Variants in SRSF7 observed in about 807,000 individuals in gnomAD.
SRSF7 encodes the protein serine and arginine rich splicing factor 7.
A neutral mutation model predicts 42.2 loss-of-function variants in SRSF7; 15 were observed. The observed-to-expected ratio is 0.36, with a 90% CI of 0.24 to 0.55. The LOEUF is 0.55. Among genes scored for constraint, SRSF7 ranks in the 20% least tolerant of loss-of-function variants. The pLI is 0.88. For synonymous variants in SRSF7, 138 were observed against 107.9 expected, an observed-to-expected ratio of 1.28 and a Z score of -1.73; for missense variants, 181 against 305.9, an observed-to-expected ratio of 0.59 and a Z score of 3.04.
intron 5 of SRSF7, among the ~76,000 whole-genome samples, chr2:38,747,385 T>TA (rs1456755765): frequency 2.0e-5 from 3 of 152,250 alleles, no homozygotes; most frequent in African/African-American, 7.2e-5. Context: ...TTTGTGCTAT[T>TA]AAACAGCAAT....
In SRSF7 at chr2:38,751,206, C is replaced by G. The variant is rs1668303310; in HGVS notation, c.28+23G>C. Reference sequence around the variant, plus strand: ...GCTCACTACACCCACACCAACGTCCCTCACCGGACTCCAGCTTCTTACCTC... The same window carrying G: ...GCTCACTACACCCACACCAACGTCCGTCACCGGACTCCAGCTTCTTACCTC... On this transcript the variant is annotated intron_variant, in intron 1 of 7. Coordinates refer to ENST00000313117, the MANE Select transcript of SRSF7 (RefSeq NM_001031684.3). 3 of 1,614,044 alleles carry G rather than the reference C, an allele frequency of 1.9e-6. No homozygotes were observed. In the East Asian group the frequency reaches 6.7e-5, roughly 36 times the overall value.
At chr2:38,749,860 C>T (rs551330074) in intron 2 of SRSF7, among the ~76,000 whole-genome samples, 154 bp downstream of exon 2, 1 of 152,334 alleles carries the variant, frequency 6.6e-6, no homozygotes, top group East Asian at 1.9e-4. Context: ...TCCATCTCCG[C>T]TATCTTCTTT....
chr2:38,750,982 C>T, intron 1 of SRSF7: 1 of 469,556 alleles, frequency 2.1e-6, no homozygotes, highest in South Asian at 2.6e-5. Context: ...ACCGTCATCT[C>T]AACCCTGCTT....
intron 5 of SRSF7, chr2:38,747,147 A>T (rs1285342451): frequency 2.1e-6 from 1 of 472,318 alleles, no homozygotes; most frequent in Non-Finnish European, 4.4e-6. Context: ...CAGGATGAAA[A>T]TAACCAGACC....
chr2:38,749,713 A>G lies in SRSF7; in HGVS notation c.210-8T>C. 1 of 1,532,318 alleles carries G rather than the reference A, an allele frequency of 6.5e-7. No homozygotes were observed. The highest frequency in any genetic ancestry group is 8.7e-7 in the Non-Finnish European group (1 of 1,144,704). 94.9% of individuals were successfully genotyped at this position (1,532,318 alleles called of 1,614,324 possible). A position where few individuals can be genotyped will look rare whatever the true frequency, so the allele number is the denominator to read the frequency against. ...CGGGAGCCACAAATCACCCTAATAAAAGCAAATTAACAAAATTCTAAAGTT... is the reference window on the plus strand; with the variant it reads ...CGGGAGCCACAAATCACCCTAATAAGAGCAAATTAACAAAATTCTAAAGTT... On this transcript the variant is annotated splice_polypyrimidine_tract_variant and splice_region_variant and intron_variant, in intron 2 of 7. Coordinates refer to ENST00000313117, the MANE Select transcript of SRSF7 (RefSeq NM_001031684.3).
intron 3 of SRSF7, 105 bp downstream of exon 3, chr2:38,749,424 A>G: frequency 1.3e-6 from 2 of 1,564,156 alleles, no homozygotes; most frequent in Non-Finnish European, 1.7e-6. Context: ...ATACACCTGT[A>G]CAATTAACAT....
intron 5 of SRSF7, 72 bp from the exon 6 acceptor site, chr2:38,746,819 T>G (rs1667487740): frequency 6.3e-7 from 1 of 1,592,120 alleles, no homozygotes; most frequent in South Asian, 1.1e-5. Context: ...CTCAACACTG[T>G]ATTAGGTTGG....
intron 3 of SRSF7, 71 bp from the exon 4 acceptor site, chr2:38,748,724 C>T: frequency 6.8e-7 from 1 of 1,473,648 alleles, no homozygotes; most frequent in South Asian, 1.1e-5. Flanking sequence ...TGTGCCTCTG[C>T]TGAAATCAAA....
intron 5 of SRSF7, among the ~76,000 whole-genome samples, chr2:38,747,632 C>G (rs1004775571): frequency 5.9e-5 from 9 of 152,066 alleles, no homozygotes; most frequent in Admixed American, 2.6e-4. Context: ...TCCAGTGTCT[C>G]AAATCAACCC....
chr2:38,748,627 G>A lies in SRSF7; in HGVS notation c.413C>T (p.Ser138Phe). The A allele has an allele frequency of 6.2e-7, 1 of 1,614,170 alleles. No homozygotes were observed. The highest frequency in any genetic ancestry group is 8.5e-7 in the Non-Finnish European group (1 of 1,180,036). The change falls in exon 4 of 8, where the codon TCC becomes TTC. Residue 138 changes from serine (S) to phenylalanine (F), a missense_variant. Ser to Phe is a radical substitution (Grantham distance 155). Coordinates refer to ENST00000313117, the MANE Select transcript of SRSF7 (RefSeq NM_001031684.3). ...TGAGCGAGAGTATCGCCTTCCTCTG[G>A]ATCGAGAATGTGATCTAGACCGTGA... is the stretch of plus-strand genomic sequence containing the variant. ...SRSRSRSHSR[S>F]RGRRYSRSRS... is the part of the protein sequence containing the mutation.
intron 5 of SRSF7, 71 bp from the exon 6 acceptor site, chr2:38,746,818 G>T: frequency 6.3e-6 from 10 of 1,591,792 alleles, no homozygotes; most frequent in Non-Finnish European, 7.7e-6. Flanking sequence ...ACTCAACACT[G>T]TATTAGGTTG....
chr2:38,751,018 C>G (rs1256931445), intron 1 of SRSF7: 5 of 591,450 alleles, frequency 8.5e-6, no homozygotes, highest in Non-Finnish European at 1.2e-5. Context: ...CACAAAAATG[C>G]CCAAGAGTAC....
In SRSF7 at chr2:38,743,652, T is replaced by C; in HGVS notation, c.*1481A>G. The C allele has an allele frequency of 6.5e-6, 1 of 152,778 alleles. No homozygotes were observed. Among genetic ancestry groups the C allele is most frequent in the South Asian group, 2.1e-4 (1 of 4,832 alleles). 9.5% of individuals were successfully genotyped at this position (152,778 alleles called of 1,614,324 possible). A position where few individuals can be genotyped will look rare whatever the true frequency, so the allele number is the denominator to read the frequency against. On this transcript the variant is annotated 3_prime_UTR_variant, in exon 8 of 8. Transcript: ENST00000313117. ...GTTGAGTAAACTTATCTTTAAATAA[T>C]ACAGAACAATTAAAGCTAACCAAGT...
rs578040379 is a variant in SRSF7 at position 38,749,934 on chromosome 2, A to C, written c.209+80T>G. 10,457 of 1,470,448 alleles carry C rather than the reference A, an allele frequency of 7.1e-3. 36 individuals are homozygous for C. Among genetic ancestry groups the C allele is most frequent in the Middle Eastern group, 9.3e-3 (48 of 5,156 alleles). The allele number at this position is 1,470,448 out of a possible 1,614,324, so 91.1% of individuals were successfully genotyped here. ...CTATTTAAGGTCTCTTCCAGACTTC[A>C]GAATCCAAATTTAGCACTAAGTTCA... On this transcript the variant is annotated intron_variant, in intron 2 of 7. Coordinates refer to ENST00000313117, the MANE Select transcript of SRSF7 (RefSeq NM_001031684.3).
At position 38,744,138 on chromosome 2, in the gene SRSF7, T is replaced by C; in HGVS notation, c.*995A>G. ...CTTTAGTCTCATTGACATTTCTGAT[T>C]GACATCTTTAATTACTTTGCACCAG... On this transcript the variant is annotated 3_prime_UTR_variant, in exon 8 of 8. Transcript: ENST00000313117. The C allele has an allele frequency of 6.6e-6, 1 of 152,640 alleles. No homozygotes were observed. Among genetic ancestry groups the C allele is most frequent in the Non-Finnish European group, 1.5e-5 (1 of 68,040 alleles). 9.5% of individuals were successfully genotyped at this position (152,640 alleles called of 1,614,324 possible). A position where few individuals can be genotyped will look rare whatever the true frequency, so the allele number is the denominator to read the frequency against.
chr2:38,748,948 G>C, intron 3 of SRSF7: 1 of 1,319,986 alleles, frequency 7.6e-7, no homozygotes, highest in Non-Finnish European at 9.8e-7. Context: ...AGTAGATCTA[G>C]ACGATCTAGA....
In SRSF7 at chr2:38,744,116, T is replaced by G; in HGVS notation, c.*1017A>C. ...ATAGCTGAGATTTACAAAACCACTT[T>G]AGTCTCATTGACATTTCTGATTGAC... On this transcript the variant is annotated 3_prime_UTR_variant, in exon 8 of 8. Transcript: ENST00000313117. 6.6e-6 allele frequency: 1 copy of G among 152,608 alleles called. No homozygotes were observed. Among genetic ancestry groups the G allele is most frequent in the Non-Finnish European group, 1.5e-5 (1 of 68,040 alleles). 9.5% of individuals were successfully genotyped at this position (152,608 alleles called of 1,614,324 possible).
chr2:38,748,093 G>A lies in SRSF7; in HGVS notation c.526C>T (p.Leu176Phe). 2 of 1,614,038 alleles carry A rather than the reference G, an allele frequency of 1.2e-6. No individual in the cohort carries two copies. Among genetic ancestry groups the A allele is most frequent in the Non-Finnish European group, 1.7e-6 (2 of 1,179,952 alleles). ...ISLRRSRSAS[L>F]RRSRSGSIKG... ...ATAGAACCAGACCTAGATCTTCTGAGTGAAGCTGATCTTGATCTACGAAGA... is the reference window on the plus strand; with the variant it reads ...ATAGAACCAGACCTAGATCTTCTGAATGAAGCTGATCTTGATCTACGAAGA... Residue 176 changes from leucine to phenylalanine, a missense_variant, in exon 5 of 8, where the codon CTC becomes TTC. Leu to Phe is a conservative substitution (Grantham distance 22). This residue lies in a region of SRSF7 where 136 missense variants were observed against 147.8 expected (regional missense o/e 0.92). Coordinates refer to ENST00000313117, the MANE Select transcript of SRSF7 (RefSeq NM_001031684.3).
Position 38,748,044 on chromosome 2 carries a change from T to A in SRSF7, c.572+3A>T. On this transcript the variant is annotated splice_donor_region_variant and intron_variant, in intron 5 of 7. Coordinates refer to ENST00000313117, the MANE Select transcript of SRSF7 (RefSeq NM_001031684.3). Reference sequence around the variant, plus strand: ...ACAAGTAAGGAAAAAAAGTGTTACATACTGGAAATACCTCGATCCTTTTAT... The same window carrying A: ...ACAAGTAAGGAAAAAAAGTGTTACAAACTGGAAATACCTCGATCCTTTTAT... 6.2e-7 allele frequency: 1 copy of A among 1,608,178 alleles called. No individual in the cohort carries two copies. Among genetic ancestry groups the A allele is most frequent in the South Asian group, 1.1e-5 (1 of 90,718 alleles).
Sources: allele counts gnomAD v4.1 joint callset (sites outside exome capture counted in the v4.1 genomes callset), GRCh38; gene constraint gnomAD v4.1.1; regional missense constraint gnomAD v4.1.1; transcripts MANE v1.5; gene names NCBI Gene and HGNC (gene_info 2026-07-23, HGNC 2026-07-21).